Variants in LBH observed in about 807,000 individuals in gnomAD.
LBH encodes LBH regulator of Wnt signaling pathway.
In LBH, 7 loss-of-function variants were observed where a neutral mutation model predicts 12.5. That is an observed-to-expected ratio of 0.56 (90% CI 0.32 to 1.05). LBH has a LOEUF of 1.05. Ranked by LOEUF, LBH falls within the 50% of genes least tolerant of loss-of-function variation. The pLI is 0.04. For synonymous variants in LBH, 51 were observed against 50.1 expected, an observed-to-expected ratio of 1.02 and a Z score of -0.08; for missense variants, 119 against 138.9, an observed-to-expected ratio of 0.86 and a Z score of 0.72.
At chr2:30,250,667 C>T (rs1395489082) in intron 2 of LBH, among the ~76,000 whole-genome samples, 1 of 151,916 alleles carries the variant, frequency 6.6e-6, no homozygotes, top group Non-Finnish European at 1.5e-5. Flanking sequence ...AAATTTGGGG[C>T]CTTTGAAGCC....
chr2:30,251,246 C>T (rs1466132121), intron 2 of LBH, among the ~76,000 whole-genome samples: 1 of 151,844 alleles, frequency 6.6e-6, no homozygotes, highest in East Asian at 1.9e-4. Context: ...TCAAGTGCTC[C>T]ATAGTCACAC....
At chr2:30,246,068 C>T (rs997377974) in intron 2 of LBH, among the ~76,000 whole-genome samples, 1 of 151,770 alleles carries the variant, frequency 6.6e-6, no homozygotes, top group African/African-American at 2.4e-5. Context: ...AAGGGATTCT[C>T]ATGCCTCAGC....
chr2:30,234,625 A>C, intron 2 of LBH, 118 bp downstream of exon 2: 1 of 675,492 alleles, frequency 1.5e-6, no homozygotes, highest in Middle Eastern at 2.6e-4. Context: ...ACTGTGGCAG[A>C]GTCCCCTAAT....
rs563860929 is a variant in LBH at position 30,248,151 on chromosome 2, C to T, written c.130-9282C>T. On this transcript the variant is annotated intron_variant, in intron 2 of 2. Transcript: ENST00000395323. ...GGCATATACCTCTAGGAATATAGCCCTATTTGCTTCAGTTGTTAGCCTCAA... is the reference window on the plus strand; with the variant it reads ...GGCATATACCTCTAGGAATATAGCCTTATTTGCTTCAGTTGTTAGCCTCAA... Among the ~76,000 whole-genome samples, 31 of 152,258 alleles carry T rather than the reference C, an allele frequency of 2.0e-4. No individual in the cohort carries two copies. In the South Asian group the frequency reaches 6.2e-3, roughly 31 times the overall value.
intron 2 of LBH, among the ~76,000 whole-genome samples, chr2:30,236,598 G>C (rs1677692624): frequency 6.6e-6 from 1 of 152,230 alleles, no homozygotes; most frequent in African/African-American, 2.4e-5. Context: ...GAAGAGGAAA[G>C]GGAGATTGTA....
At position 30,258,325 on chromosome 2, in the gene LBH, C is replaced by T. The variant is rs925210184; in HGVS notation, c.*704C>T. 1 of 152,326 alleles carries T rather than the reference C, an allele frequency of 6.6e-6. No individual in the cohort carries two copies. Among genetic ancestry groups the T allele is most frequent in the African/African-American group, 2.4e-5 (1 of 41,448 alleles). 9.4% of individuals were successfully genotyped at this position (152,326 alleles called of 1,614,324 possible). Reference sequence around the variant, plus strand: ...CATTCTACTCCATGGCCTCTCTGCTCCCAGCTGTGGTAGGCTCACATAGCC... The same window carrying T: ...CATTCTACTCCATGGCCTCTCTGCTTCCAGCTGTGGTAGGCTCACATAGCC... On this transcript the variant is annotated 3_prime_UTR_variant, in exon 3 of 3. Coordinates refer to ENST00000395323, the MANE Select transcript of LBH (RefSeq NM_030915.4).
intron 2 of LBH, among the ~76,000 whole-genome samples, chr2:30,249,401 C>T (rs1261329051): frequency 2.0e-5 from 3 of 152,060 alleles, no homozygotes; most frequent in South Asian, 2.1e-4. Flanking sequence ...GCCAGCCCAT[C>T]GTAGGAAGGA....
At chr2:30,240,785 G>A (rs188003122) in intron 2 of LBH, among the ~76,000 whole-genome samples, 87 of 152,290 alleles carry the variant, frequency 5.7e-4, no homozygotes, top group African/African-American at 1.8e-3. Context: ...GCCTCCCACC[G>A]GCAGTAGCTT....
chr2:30,256,462 C>T, intron 2 of LBH: 1 of 152,186 alleles, frequency 6.6e-6, no homozygotes, highest in Non-Finnish European at 1.5e-5. Context: ...GATGAGGACC[C>T]ATCTGCTTGA....
At chr2:30,246,163 T>G (rs1005863943) in intron 2 of LBH, among the ~76,000 whole-genome samples, 4 of 151,854 alleles carry the variant, frequency 2.6e-5, no homozygotes, top group Middle Eastern at 3.2e-3. Context: ...TTTGCCATGT[T>G]GGCCAGGCTG....
chr2:30,241,460 C>CTTTT (rs777223190), intron 2 of LBH, among the ~76,000 whole-genome samples: 14 of 132,576 alleles, frequency 1.1e-4, no homozygotes, highest in Non-Finnish European at 1.4e-4. Context: ...TTCTTTCTTT[C>CTTTT]TTTTTTTTTT....
In LBH at chr2:30,231,784, G is replaced by A. The variant is rs1677589147; in HGVS notation, c.26+20G>A. 1.8e-5 allele frequency: 28 copies of A among 1,553,734 alleles called. No individual in the cohort carries two copies. Among genetic ancestry groups the A allele is most frequent in the Non-Finnish European group, 2.4e-5 (28 of 1,152,108 alleles). On this transcript the variant is annotated intron_variant, in intron 1 of 2. Transcript: ENST00000395323. ...TCACTGGTGAGTACCCTGCGCCTGC[G>A]GCGGGCGTCTGTCTCGCGGCGGTGG...
At chr2:30,255,537 C>T (rs574487664) in intron 2 of LBH, among the ~76,000 whole-genome samples, 1 of 152,182 alleles carries the variant, frequency 6.6e-6, no homozygotes, top group Non-Finnish European at 1.5e-5. Flanking sequence ...GGCTTAATCC[C>T]CAGCAATAGG....
At chr2:30,232,197 G>C in intron 1 of LBH, 7 of 1,503,982 alleles carry the variant, frequency 4.7e-6, no homozygotes, top group Non-Finnish European at 6.2e-6. Flanking sequence ...GCAGCAGCGG[G>C]GCTGAGCTGG....
intron 2 of LBH, among the ~76,000 whole-genome samples, chr2:30,245,960 CT>C (rs11345537): frequency 0.081 from 11,295 of 139,886 alleles, 1,309 homozygotes; most frequent in African/African-American, 0.27. Context: ...CTTACATAGT[CT>C]TTTTTTTTTT....
At position 30,231,569 on chromosome 2, in the gene LBH, A is replaced by C. The variant is rs1462771212; in HGVS notation, c.-170A>C. ...CAGTGGAGAGCGGGGAGTTGTGTCC[A>C]CCTTGCCGACGTCGCTAGCCGTGGG... is the stretch of plus-strand genomic sequence containing the variant. On this transcript the variant is annotated 5_prime_UTR_variant, in exon 1 of 3. Coordinates refer to ENST00000395323, the MANE Select transcript of LBH (RefSeq NM_030915.4). 1.6e-6 allele frequency: 1 copy of C among 642,364 alleles called. No homozygotes were observed. Among genetic ancestry groups the C allele is most frequent in the African/African-American group, 2.0e-5 (1 of 50,848 alleles). The allele number at this position is 642,364 out of a possible 1,614,324, so 39.8% of individuals were successfully genotyped here.
chr2:30,232,366 G>A, intron 1 of LBH: 2 of 1,045,416 alleles, frequency 1.9e-6, no homozygotes, highest in Non-Finnish European at 1.3e-6. Context: ...ATTGGTGGGG[G>A]CCGGGACTGG....
chr2:30,248,245 T>C (rs1677910466), intron 2 of LBH, among the ~76,000 whole-genome samples: 1 of 152,210 alleles, frequency 6.6e-6, no homozygotes, highest in South Asian at 2.1e-4. Flanking sequence ...GAAGACGTCT[T>C]GCGTGGGGCA....
chr2:30,253,581 C>A (rs950375104), intron 2 of LBH, among the ~76,000 whole-genome samples: 1 of 152,052 alleles, frequency 6.6e-6, no homozygotes, highest in Non-Finnish European at 1.5e-5. Context: ...ATCAGAAGTT[C>A]AATTCTCAGA....
Sources: gnomAD v4.1 joint callset for allele counts (sites outside exome capture counted in the v4.1 genomes callset) on GRCh38, gnomAD v4.1.1 for gene constraint, MANE v1.5 for transcripts, NCBI Gene and HGNC (gene_info 2026-07-23, HGNC 2026-07-21) for gene names.